Variants in FAM78B observed in about 807,000 individuals in gnomAD.
FAM78B encodes the protein family with sequence similarity 78 member B.
FAM78B carries 10 observed loss-of-function variants against 20.0 expected under a neutral mutation model. That is an observed-to-expected ratio of 0.50 (90% CI 0.31 to 0.85). The LOEUF (loss-of-function observed/expected upper bound fraction) is 0.85. FAM78B is among the 40% of genes least tolerant of loss of function. The pLI is 0.05. For missense variants in FAM78B, 283 were observed against 345.0 expected (o/e 0.82, Z 1.42); for synonymous variants, 135 against 132.8 (o/e 1.02, Z -0.12).
intron 1 of FAM78B, among the ~76,000 whole-genome samples, chr1:166,110,809 G>A (rs1379298788): frequency 6.6e-6 from 1 of 152,192 alleles, no homozygotes; most frequent in Admixed American, 6.5e-5. Flanking sequence ...CTTGTGAGGA[G>A]TGAGGCAGAA....
chr1:166,109,824 A>G (rs10918363), intron 1 of FAM78B, among the ~76,000 whole-genome samples: 1,357 of 19,686 alleles, frequency 0.069, 124 homozygotes, highest in East Asian at 0.2. Flanking sequence ...GTATATATAT[A>G]TATATATGTA....
chr1:166,092,808 G>T (rs1462207772), intron 1 of FAM78B, among the ~76,000 whole-genome samples: 2 of 152,182 alleles, frequency 1.3e-5, no homozygotes, highest in Admixed American at 1.3e-4. Flanking sequence ...GAGAGTAAAA[G>T]AGGCCTTCAG....
intron 1 of FAM78B, among the ~76,000 whole-genome samples, chr1:166,143,871 G>A (rs1330594093): frequency 6.6e-6 from 1 of 152,180 alleles, no homozygotes; most frequent in Non-Finnish European, 1.5e-5. Context: ...AACTCTTTTA[G>A]TCTTTACCCA....
At chr1:166,084,205 C>CCA (rs374157991) in intron 1 of FAM78B, among the ~76,000 whole-genome samples, 16,501 of 120,780 alleles carry the variant, frequency 0.14, 924 homozygotes, top group Middle Eastern at 0.2. Flanking sequence ...GATGTAGAAA[C>CCA]CACACACACA....
intron 1 of FAM78B, among the ~76,000 whole-genome samples, chr1:166,116,573 A>T (rs1362269437): frequency 1.3e-5 from 2 of 152,214 alleles, no homozygotes; most frequent in Non-Finnish European, 2.9e-5. Flanking sequence ...AACGAAAGCC[A>T]GATTGCAGCA....
intron 1 of FAM78B, among the ~76,000 whole-genome samples, chr1:166,086,060 G>T (rs1013744210): frequency 6.6e-6 from 1 of 151,196 alleles, no homozygotes; most frequent in African/African-American, 2.4e-5. Flanking sequence ...TTCAAAGTAG[G>T]TACTATGTTA....
chr1:166,086,157 A>G (rs967251408), intron 1 of FAM78B, among the ~76,000 whole-genome samples: 6 of 151,066 alleles, frequency 4.0e-5, no homozygotes, highest in Non-Finnish European at 5.9e-5. Context: ...AGTGGCAGAG[A>G]TGGGACAAAC....
intron 1 of FAM78B, among the ~76,000 whole-genome samples, chr1:166,103,717 T>C (rs1653640065): frequency 6.6e-6 from 1 of 152,078 alleles, no homozygotes; most frequent in Non-Finnish European, 1.5e-5. Context: ...ATTAATAGCT[T>C]ACAAACCAAA....
At chr1:166,086,361 C>T (rs1174512770) in intron 1 of FAM78B, among the ~76,000 whole-genome samples, 1 of 152,182 alleles carries the variant, frequency 6.6e-6, no homozygotes, top group Non-Finnish European at 1.5e-5. Context: ...GGCAGAAGGG[C>T]AGGACTCTGC....
intron 1 of FAM78B, among the ~76,000 whole-genome samples, chr1:166,146,516 G>A (rs1239015384): frequency 6.6e-6 from 1 of 152,172 alleles, no homozygotes; most frequent in African/African-American, 2.4e-5. Flanking sequence ...AGTTTTAGGA[G>A]GAGATTTCTA....
downstream of FAM78B, among the ~76,000 whole-genome samples, chr1:166,067,863 G>T (rs1054956509): frequency 1.3e-5 from 2 of 152,042 alleles, no homozygotes; most frequent in Non-Finnish European, 2.9e-5. Flanking sequence ...CCAGAAAACT[G>T]CTGTGGGGGT....
chr1:166,147,329 C>T (rs1655499512), intron 1 of FAM78B, among the ~76,000 whole-genome samples: 1 of 152,180 alleles, frequency 6.6e-6, no homozygotes, highest in South Asian at 2.1e-4. Flanking sequence ...GATGATAACG[C>T]CTAAATGAGC....
intron 1 of FAM78B, among the ~76,000 whole-genome samples, chr1:166,121,789 A>C (rs1376965941): frequency 6.6e-6 from 1 of 152,184 alleles, no homozygotes; most frequent in Non-Finnish European, 1.5e-5. Flanking sequence ...AGAGCAGGTA[A>C]GCAACTTGCC....
chr1:166,070,270 GC>G lies in FAM78B; in HGVS notation c.756del (p.Pro253HisfsTer5). 6.4e-7 allele frequency: 1 copy of G among 1,553,154 alleles called. No homozygotes were observed. The highest frequency in any genetic ancestry group is 8.7e-7 in the Non-Finnish European group (1 of 1,148,294). ...AQVLMWRPKRGPPLVVIPPK is the reference protein window; with the variant it reads ...AQVLMWRPKRXPPLVVIPPK ...TTAGGAGGGATCACAACCAGAGGTG[GC>G]CCCCGCTTGGGCCTCCACATGAGGA... is the stretch of plus-strand genomic sequence containing the variant. On this transcript the variant is annotated frameshift_variant, in exon 2 of 2. Coordinates refer to ENST00000354422, the MANE Select transcript of FAM78B (RefSeq NM_001017961.5). LOFTEE classifies it high-confidence loss of function.
chr1:166,088,030 G>C (rs1652904018), intron 1 of FAM78B, among the ~76,000 whole-genome samples: 1 of 152,102 alleles, frequency 6.6e-6, no homozygotes, highest in African/African-American at 2.4e-5. Flanking sequence ...TCAGAAGTCA[G>C]CCTGCCCCAA....
At chr1:166,103,465 TAAA>T (rs910983483) in intron 1 of FAM78B, among the ~76,000 whole-genome samples, 15 of 151,764 alleles carry the variant, frequency 9.9e-5, no homozygotes, top group African/African-American at 3.4e-4. Context: ...GCAAGACTAA[TAAA>T]GAAGAAGAGA....
At chr1:166,089,522 A>G (rs965326026) in intron 1 of FAM78B, among the ~76,000 whole-genome samples, 1 of 152,102 alleles carries the variant, frequency 6.6e-6, no homozygotes, top group Non-Finnish European at 1.5e-5. Flanking sequence ...TAGGAAGTGA[A>G]AGAATGGGTC....
chr1:166,082,550 T>A (rs1652623519), intron 1 of FAM78B: 1 of 152,230 alleles, frequency 6.6e-6, no homozygotes, highest in South Asian at 2.1e-4. Flanking sequence ...CTTCTGAGAG[T>A]GGCTTCCAAT....
chr1:166,144,543 G>A (rs1334117575), intron 1 of FAM78B, among the ~76,000 whole-genome samples: 1 of 152,114 alleles, frequency 6.6e-6, no homozygotes, highest in Non-Finnish European at 1.5e-5. Flanking sequence ...GGGAGAAAGA[G>A]GTTGGTTGTT....
Sources: allele counts gnomAD v4.1 joint callset (sites outside exome capture counted in the v4.1 genomes callset), GRCh38; gene constraint gnomAD v4.1.1; transcripts MANE v1.5; gene names NCBI Gene and HGNC (gene_info 2026-07-23, HGNC 2026-07-21).